CAPN2: variants seen among roughly 807,000 people sequenced by gnomAD.
CAPN2 encodes the protein calpain-2 catalytic subunit.
CAPN2 carries 92 observed loss-of-function variants against 102.3 expected under a neutral mutation model. That is an observed-to-expected ratio of 0.90 (90% CI 0.76 to 1.07). The LOEUF (loss-of-function observed/expected upper bound fraction) is 1.07, where lower values mean the gene tolerates loss of function less well. Among genes scored for constraint, CAPN2 ranks in the 50% least tolerant of loss-of-function variants. The probability of loss-of-function intolerance (pLI) is 0.00; values close to 1 mark genes in which losing one functional copy is unlikely to be tolerated. For missense variants in CAPN2, 800 were observed against 909.4 expected (o/e 0.88, Z 1.55); for synonymous variants, 340 against 355.4 (o/e 0.96, Z 0.49).
chr1:223,747,263 G>A (rs1660772725), intron 5 of CAPN2, 98 bp downstream of exon 5: 5 of 1,217,904 alleles, frequency 4.1e-6, no homozygotes, highest in East Asian at 2.5e-5. Flanking sequence ...TGTGTACAAC[G>A]TAATGCAGCC....
At chr1:223,760,149 T>TCTACCCTGGG (rs1661150142) in intron 12 of CAPN2, among the ~76,000 whole-genome samples, 1 of 152,226 alleles carries the variant, frequency 6.6e-6, no homozygotes, top group African/African-American at 2.4e-5. Flanking sequence ...CTAAAGGGAA[T>TCTACCCTGGG]TCATCGAAAG....
chr1:223,738,761 T>C (rs1404791982), intron 2 of CAPN2, among the ~76,000 whole-genome samples: 1 of 152,186 alleles, frequency 6.6e-6, no homozygotes, highest in East Asian at 1.9e-4. Flanking sequence ...CGTGGCTGAG[T>C]CCTTCCCAGA....
At position 223,747,128 on chromosome 1, in the gene CAPN2, C is replaced by T. The variant is rs1198786923; in HGVS notation, c.692C>T (p.Ala231Val). ...PPNLFKIIQK[A>V]LQKGSLLGCS... ...AACCTGTTCAAGATCATCCAGAAAGCTCTGCAAAAAGGCTCTCTCCTTGGC... is the reference window on the plus strand; with the variant it reads ...AACCTGTTCAAGATCATCCAGAAAGTTCTGCAAAAAGGCTCTCTCCTTGGC... The change falls in exon 5 of 21, where the codon GCT (alanine) becomes GTT (valine). Residue 231 changes from alanine to valine, a missense_variant. Transcript: ENST00000295006. 1 of 1,613,976 alleles carries T rather than the reference C, an allele frequency of 6.2e-7. No individual in the cohort carries two copies. Among genetic ancestry groups the T allele is most frequent in the South Asian group, 1.1e-5 (1 of 91,062 alleles).
intron 3 of CAPN2, among the ~76,000 whole-genome samples, chr1:223,744,548 C>T (rs6674541): frequency 1.3e-5 from 2 of 151,958 alleles, no homozygotes; most frequent in Non-Finnish European, 2.9e-5. Context: ...CCTTTTATGC[C>T]GGTAAATGAG....
At chr1:223,717,422 G>A (rs749669216) in intron 1 of CAPN2, among the ~76,000 whole-genome samples, 4 of 152,146 alleles carry the variant, frequency 2.6e-5, no homozygotes, top group Admixed American at 2.6e-4. Context: ...GGATAGGGTG[G>A]CTCTAGAGTG....
intron 2 of CAPN2, among the ~76,000 whole-genome samples, chr1:223,737,702 C>CGGGG (rs1558066398): frequency 2.6e-4 from 2 of 7,620 alleles, no homozygotes; most frequent in African/African-American, 6.2e-4. Flanking sequence ...CCAAAAGAGA[C>CGGGG]GGGGCGGGGG....
At chr1:223,762,124 G>T (rs1661203032) in intron 13 of CAPN2, 62 bp from the exon 14 acceptor site, 1 of 1,437,988 alleles carries the variant, frequency 7.0e-7, no homozygotes, top group Non-Finnish European at 9.8e-7. Flanking sequence ...TGGAAGGGCG[G>T]GCAGACACTT....
chr1:223,705,922 C>G (rs72749512), intron 1 of CAPN2, among the ~76,000 whole-genome samples: 7 of 150,520 alleles, frequency 4.7e-5, no homozygotes, highest in African/African-American at 1.7e-4. Context: ...TATTATTTCC[C>G]CATTTTAAGA....
At chr1:223,711,723 G>C (rs111548683), upstream of CAPN2, among the ~76,000 whole-genome samples, 182 of 152,314 alleles carry the variant, frequency 1.2e-3, 1 homozygote, top group African/African-American at 4.2e-3. Context: ...CGTTTCTCCT[G>C]TCTCAGCCTC....
intron 18 of CAPN2, chr1:223,771,462 A>G (rs1661467434): frequency 4.5e-6 from 1 of 219,906 alleles, no homozygotes; most frequent in Non-Finnish European, 9.0e-6. Context: ...ACATATATCC[A>G]GGAAGAATCT....
In CAPN2 at chr1:223,719,842, G is replaced by A. The variant is rs990586493; in HGVS notation, c.307+2011G>A. 4.6e-5 allele frequency among the ~76,000 whole-genome samples: 7 copies of A among 152,186 alleles called. No individual in the cohort carries two copies. In the East Asian group the frequency reaches 5.8e-4, roughly 13 times the overall value. On this transcript the variant is annotated intron_variant, in intron 2 of 20. Coordinates refer to ENST00000295006, the MANE Select transcript of CAPN2 (RefSeq NM_001748.5). ...TGTGTGTGTGTGTGTGCGCGCGCGC[G>A]CGTATAATGCAGTATTGGTCATTTT...
At chr1:223,718,903 G>C (rs1436971046) in intron 2 of CAPN2, among the ~76,000 whole-genome samples, 1 of 152,286 alleles carries the variant, frequency 6.6e-6, no homozygotes, top group African/African-American at 2.4e-5. Flanking sequence ...CTGACCCCAG[G>C]GTATGTTTAA....
chr1:223,760,486 G>A (rs552189916), intron 12 of CAPN2, among the ~76,000 whole-genome samples: 2 of 152,322 alleles, frequency 1.3e-5, no homozygotes, highest in South Asian at 4.1e-4. Context: ...TGCCACCATA[G>A]CACGGCTGTA....
intron 2 of CAPN2, among the ~76,000 whole-genome samples, chr1:223,729,630 AG>A (rs1443215653): frequency 2.6e-5 from 4 of 152,104 alleles, no homozygotes; most frequent in Non-Finnish European, 5.9e-5. Flanking sequence ...CAGGGGCTGG[AG>A]GGGGCTCCGA....
At chr1:223,742,013 G>A (rs746083405) in intron 2 of CAPN2, among the ~76,000 whole-genome samples, 1 of 152,192 alleles carries the variant, frequency 6.6e-6, no homozygotes, top group Admixed American at 6.5e-5. Flanking sequence ...TCAAAGAGCT[G>A]TAAGCAACCA....
rs1270553769 is a variant in CAPN2, at chr1:223,774,882, CTT to C, written c.*26_*27del. 6.2e-7 allele frequency: 1 copy of C among 1,605,362 alleles called. No homozygotes were observed. The highest frequency in any genetic ancestry group is 1.7e-4 in the Middle Eastern group (1 of 6,052). On this transcript the variant is annotated 3_prime_UTR_variant, in exon 21 of 21. Transcript: ENST00000295006. ...AAGTTATAACTAATCTGCCTGAAGACTTCTCATGATGGAAAATCAGCCAAGGA... is the reference window on the plus strand; with the variant it reads ...AAGTTATAACTAATCTGCCTGAAGACCTCATGATGGAAAATCAGCCAAGGA...
chr1:223,735,604 C>G (rs564707290), intron 2 of CAPN2, among the ~76,000 whole-genome samples: 1 of 151,968 alleles, frequency 6.6e-6, no homozygotes, highest in Non-Finnish European at 1.5e-5. Context: ...GGTCCAGCCT[C>G]TTAGATCTAT....
At chr1:223,762,424 C>T (rs2102811485) in intron 14 of CAPN2, among the ~76,000 whole-genome samples, 173 bp downstream of exon 14, 1 of 152,332 alleles carries the variant, frequency 6.6e-6, no homozygotes, top group Admixed American at 6.5e-5. Flanking sequence ...TGTGTCCTCC[C>T]TAAGACCTCC....
rs1460929350 is a variant in CAPN2 at position 223,731,281 on chromosome 1, C to A, written c.308-12819C>A. Among the ~76,000 whole-genome samples the A allele has an allele frequency of 2.6e-5, 4 of 152,148 alleles. No individual in the cohort carries two copies. The highest frequency in any genetic ancestry group is 6.5e-5 in the Admixed American group (1 of 15,274). On this transcript the variant is annotated intron_variant, in intron 2 of 20. Coordinates refer to ENST00000295006, the MANE Select transcript of CAPN2 (RefSeq NM_001748.5). This position sits in a 1 kb window ranked among gnomAD's most constrained non-coding sequence, Gnocchi z 4.2. Reference sequence around the variant, plus strand: ...GTTTGGCTTAAATTCCCTTAGGAGCCAGTTCAGATTCCTAAGCTGGCCCGG... The same window carrying A: ...GTTTGGCTTAAATTCCCTTAGGAGCAAGTTCAGATTCCTAAGCTGGCCCGG...
Sources: gnomAD v4.1 joint callset for allele counts (sites outside exome capture counted in the v4.1 genomes callset) on GRCh38, gnomAD v4.1.1 for gene constraint, Gnocchi (gnomAD v3.1) non-coding constraint, MANE v1.5 for transcripts, NCBI Gene and HGNC (gene_info 2026-07-23, HGNC 2026-07-21) for gene names.